USP34: variants seen among roughly 807,000 people sequenced by gnomAD.
USP34 encodes the protein ubiquitin carboxyl-terminal hydrolase 34.
Under a neutral mutation model 460.3 loss-of-function variants are expected in USP34, and 70 were observed. The observed-to-expected ratio is 0.15, with a 90% confidence interval of 0.13 to 0.19. USP34 has a LOEUF of 0.19. Among genes scored for constraint, USP34 ranks in the 10% least tolerant of loss-of-function variants. The pLI, the probability that USP34 is intolerant of heterozygous loss-of-function variation, is 1.00. For synonymous variants in USP34, 1,647 were observed against 1,405.3 expected (o/e 1.17, Z -3.85); for missense variants, 3,985 against 4,236.2 (o/e 0.94, Z 1.65).
chr2:61,400,898 T>C (rs567216566), intron 3 of USP34, among the ~76,000 whole-genome samples: 9 of 152,174 alleles, frequency 5.9e-5, no homozygotes, highest in African/African-American at 2.2e-4. Flanking sequence ...ACGCCTGTAA[T>C]CCCAGCATTT....
At chr2:61,203,296 T>G in intron 74 of USP34, 33 bp from the exon 75 acceptor site, 1 of 1,470,798 alleles carries the variant, frequency 6.8e-7, no homozygotes, top group South Asian at 1.6e-5. Flanking sequence ...TGGTTGCACT[T>G]AAATTGTATA....
At chr2:61,194,064 AAACAGGCAGCATGTGGGTTGT>A in intron 75 of USP34, 1 of 973,468 alleles carries the variant, frequency 1.0e-6, no homozygotes, top group Non-Finnish European at 1.2e-6. Flanking sequence ...GGTTATACAA[AAACAGGCAGCATGTGGGTTGT>A]AATTTGCCAA....
rs1405037628 is a variant in USP34, at chr2:61,235,738, G to A, written c.7032+107C>T. 7 of 1,016,078 alleles carry A rather than the reference G, an allele frequency of 6.9e-6. No homozygotes were observed. The Admixed American group carries it at 9.0e-5, about 13-fold the overall frequency. The allele number at this position is 1,016,078 out of a possible 1,614,324, so 62.9% of individuals were successfully genotyped here. A position where few individuals can be genotyped will look rare whatever the true frequency, so the allele number is the denominator to read the frequency against. ...ATGATTTTAAGAATGACTTCCATTT[G>A]GCTCCCTGTGACAGATAAAACAACT... On this transcript the variant is annotated intron_variant, in intron 57 of 79. Coordinates refer to ENST00000398571, the MANE Select transcript of USP34 (RefSeq NM_014709.4).
At chr2:61,231,912 T>C (rs1397817692) in intron 58 of USP34, among the ~76,000 whole-genome samples, 1 of 150,378 alleles carries the variant, frequency 6.6e-6, no homozygotes, top group Non-Finnish European at 1.5e-5. Context: ...CACGCATATA[T>C]ATCTCAATAG....
At chr2:61,466,652 C>T (rs750913146) in intron 1 of USP34, among the ~76,000 whole-genome samples, 96 of 152,084 alleles carry the variant, frequency 6.3e-4, no homozygotes, top group Non-Finnish European at 1.1e-3. Flanking sequence ...TGGCTCACTC[C>T]TGTAATTGCA....
chr2:61,252,181 G>T (rs1288097595), intron 48 of USP34, among the ~76,000 whole-genome samples: 4 of 152,102 alleles, frequency 2.6e-5, no homozygotes, highest in Admixed American at 2.0e-4. Context: ...CTAAATAAAA[G>T]GAATCAAAGT....
intron 16 of USP34, among the ~76,000 whole-genome samples, chr2:61,343,337 G>C (rs1046994708): frequency 6.6e-6 from 1 of 151,934 alleles, no homozygotes; most frequent in Non-Finnish European, 1.5e-5. Flanking sequence ...ATTTAGACTT[G>C]AACAATCATT....
chr2:61,468,113 G>A (rs1380915319), intron 1 of USP34, among the ~76,000 whole-genome samples: 1 of 151,952 alleles, frequency 6.6e-6, no homozygotes. Flanking sequence ...CATAGCCACG[G>A]ATAAGCAAAG....
intron 5 of USP34, among the ~76,000 whole-genome samples, chr2:61,390,759 T>C (rs1182102654): frequency 6.6e-6 from 1 of 152,094 alleles, no homozygotes; most frequent in Non-Finnish European, 1.5e-5. Context: ...AGAGTGAGTT[T>C]TCCTGAGATG....
intron 1 of USP34, among the ~76,000 whole-genome samples, chr2:61,447,784 C>G (rs547153946): frequency 6.6e-6 from 1 of 152,152 alleles, no homozygotes; most frequent in African/African-American, 2.4e-5. Context: ...GGTGCAATCT[C>G]GGCTTGCTGC....
Position 61,266,072 on chromosome 2 carries a change from G to T in USP34, c.5529C>A (p.Ala1843=), listed in dbSNP as rs749236170. The change falls in exon 42 of 80, where the codon GCC becomes GCA. Residue 1843 remains alanine, a synonymous_variant. Transcript: ENST00000398571. ...PKCKSHSSRA[A]AYDLLVEMVK... is the part of the protein sequence containing the mutation. ...CCATCTCTACTAACAAATCGTAAGC[G>T]GCAGCTCTTGAAGAATGTGATTTGC... 6 of 1,613,856 alleles carry T rather than the reference G, an allele frequency of 3.7e-6. No individual in the cohort carries two copies. Among genetic ancestry groups the T allele is most frequent in the Non-Finnish European group, 5.1e-6 (6 of 1,179,826 alleles).
intron 75 of USP34, among the ~76,000 whole-genome samples, chr2:61,194,781 C>T (rs570241906): frequency 7.2e-5 from 11 of 152,126 alleles, no homozygotes; most frequent in African/African-American, 1.2e-4. Context: ...CATGGAGAAA[C>T]CGTCTCTAGT....
chr2:61,275,447 T>G (rs1001486655), intron 41 of USP34, among the ~76,000 whole-genome samples: 1 of 151,780 alleles, frequency 6.6e-6, no homozygotes, highest in East Asian at 1.9e-4. Context: ...CAAAACCCCA[T>G]CTCTACAAAA....
At chr2:61,386,001 A>T (rs1386274566) in intron 5 of USP34, among the ~76,000 whole-genome samples, 1 of 151,076 alleles carries the variant, frequency 6.6e-6, no homozygotes, top group Non-Finnish European at 1.5e-5. Context: ...TGTCTCCAAA[A>T]AAAAAAAAAA....
At chr2:61,394,639 C>A (rs1469411898) in intron 5 of USP34, among the ~76,000 whole-genome samples, 1 of 151,760 alleles carries the variant, frequency 6.6e-6, no homozygotes, top group Admixed American at 6.6e-5. Context: ...ATAGTCATGA[C>A]CCCTTTTAGC....
chr2:61,246,784 T>C (rs1688428406), intron 49 of USP34, among the ~76,000 whole-genome samples: 1 of 152,146 alleles, frequency 6.6e-6, no homozygotes, highest in South Asian at 2.1e-4. Flanking sequence ...CATGTGTTAA[T>C]ACATAATTAT....
At chr2:61,257,382 C>A in intron 44 of USP34, 32 bp from the exon 45 acceptor site, 2 of 1,524,530 alleles carry the variant, frequency 1.3e-6, no homozygotes, top group South Asian at 2.7e-5. Flanking sequence ...TTCTAAGTGT[C>A]AGATAAAAAT....
At position 61,380,373 on chromosome 2, in the gene USP34, C is replaced by T. The variant is rs764697567; in HGVS notation, c.822-12G>A. 3 of 1,589,770 alleles carry T rather than the reference C, an allele frequency of 1.9e-6. No homozygotes were observed. In the East Asian group the frequency reaches 6.7e-5, roughly 36 times the overall value. On this transcript the variant is annotated splice_polypyrimidine_tract_variant and intron_variant, in intron 6 of 79. Transcript: ENST00000398571. Reference sequence around the variant, plus strand: ...GCTTGCATAAATACCTGAAATGATTCAGAAATAGAAAATACACAAAAATTC... The same window carrying T: ...GCTTGCATAAATACCTGAAATGATTTAGAAATAGAAAATACACAAAAATTC...
chr2:61,311,666 T>C lies in USP34; in HGVS notation c.3691A>G (p.Ser1231Gly). 6.2e-7 allele frequency: 1 copy of C among 1,612,496 alleles called. No homozygotes were observed. The highest frequency in any genetic ancestry group is 8.5e-7 in the Non-Finnish European group (1 of 1,179,586). Residue 1231 changes from serine to glycine, a missense_variant, in exon 27 of 80, where the codon AGT becomes GGT. Ser to Gly is a moderately conservative substitution (Grantham distance 56). Transcript: ENST00000398571. ...GCCCTAAGATCTGCTACCTGGTCAC[T>C]AGGATACATTTCAATAGTCATCTGA... Reference protein sequence around the residue: ...PDKMTIEMYPSDQVADLRAEV... With the variant: ...PDKMTIEMYPGDQVADLRAEV...
Sources: allele counts gnomAD v4.1 joint callset (sites outside exome capture counted in the v4.1 genomes callset), GRCh38; gene constraint gnomAD v4.1.1; transcripts MANE v1.5; gene names NCBI Gene and HGNC (gene_info 2026-07-23, HGNC 2026-07-21).